Variants in LAIR2 observed in about 807,000 individuals in gnomAD.
LAIR2 encodes leukocyte associated immunoglobulin like receptor 2.
In LAIR2, 14 loss-of-function variants were observed where a neutral mutation model predicts 14.8. That is an observed-to-expected ratio of 0.95 (90% CI 0.62 to 1.48). LAIR2 has a LOEUF of 1.48. LAIR2 is among the 40% of genes most tolerant of loss of function. LAIR2 has a pLI of 0.00. For synonymous variants in LAIR2, 75 were observed against 74.5 expected (o/e 1.01, Z -0.03); for missense variants, 172 against 180.9 (o/e 0.95, Z 0.28).
rs146121461 is a variant in LAIR2, at chr19:54,503,757, T to C, written c.70+22T>C. On this transcript the variant is annotated intron_variant, in intron 2 of 4. Transcript: ENST00000301202. Reference sequence around the variant, plus strand: ...GAGGGTAAGTCATGCCTTCGTCCCGTCTTCCCAGTCCCCTCTGTCACCCCA... The same window carrying C: ...GAGGGTAAGTCATGCCTTCGTCCCGCCTTCCCAGTCCCCTCTGTCACCCCA... The C allele has an allele frequency of 2.2e-3, 3,628 of 1,613,984 alleles. 48 individuals carry two copies. The African/African-American group carries it at 0.043, about 19-fold the overall frequency.
At chr19:54,505,316 A>G (rs546042822) in intron 2 of LAIR2, among the ~76,000 whole-genome samples, 2 of 152,004 alleles carry the variant, frequency 1.3e-5, no homozygotes, top group African/African-American at 4.8e-5. Context: ...GACTCTGAAC[A>G]CTCATCCTCT....
chr19:54,503,412 C>G (rs1031653827), intron 1 of LAIR2, among the ~76,000 whole-genome samples: 1 of 151,680 alleles, frequency 6.6e-6, no homozygotes, highest in Non-Finnish European at 1.5e-5. Flanking sequence ...GAGCTAAGAT[C>G]GCGCCACTGC....
intron 1 of LAIR2, among the ~76,000 whole-genome samples, chr19:54,503,277 G>A (rs1380241528): frequency 9.9e-5 from 15 of 152,094 alleles, no homozygotes; most frequent in South Asian, 6.2e-4. Flanking sequence ...CCTGGCCAAC[G>A]TGGTGAAACT....
intron 2 of LAIR2, among the ~76,000 whole-genome samples, chr19:54,507,474 C>T (rs114501113): frequency 1.7e-4 from 26 of 152,290 alleles, no homozygotes; most frequent in South Asian, 8.3e-4. Flanking sequence ...GGCCCCAGCA[C>T]GAGCCATCTC....
Position 54,503,425 on chromosome 19 carries a change from T to C in LAIR2, c.35-275T>C, listed in dbSNP as rs137974226. On this transcript the variant is annotated intron_variant, in intron 1 of 4. Coordinates refer to ENST00000301202, the MANE Select transcript of LAIR2 (RefSeq NM_002288.6). Reference sequence around the variant, plus strand: ...GTGAGCTAAGATCGCGCCACTGCACTCTAGCGTGGGCGACAAGAACAAAAC... The same window carrying C: ...GTGAGCTAAGATCGCGCCACTGCACCCTAGCGTGGGCGACAAGAACAAAAC... Among the ~76,000 whole-genome samples the C allele has an allele frequency of 3.5e-3, 524 of 150,366 alleles. 3 individuals are homozygous for C. Among genetic ancestry groups the C allele is most frequent in the African/African-American group, 0.012 (501 of 40,790 alleles).
chr19:54,506,595 C>T (rs1402933802), intron 2 of LAIR2, among the ~76,000 whole-genome samples: 1 of 152,198 alleles, frequency 6.6e-6, no homozygotes, highest in African/African-American at 2.4e-5. Context: ...AAACTTATTG[C>T]AGTTCGCAGC....
At position 54,504,869 on chromosome 19, in the gene LAIR2, C is replaced by A. The variant is rs569275073; in HGVS notation, c.70+1134C>A. The stretch of plus-strand genomic sequence containing the variant: ...AGGTGATCCACCCACCTCGGCCACA[C>A]AAAGTGCTGGGATTACAGGTATGAG... On this transcript the variant is annotated intron_variant, in intron 2 of 4. Coordinates refer to ENST00000301202, the MANE Select transcript of LAIR2 (RefSeq NM_002288.6). Among the ~76,000 whole-genome samples, 200 of 152,324 alleles carry A rather than the reference C, an allele frequency of 1.3e-3. 4 individuals are homozygous for A. The South Asian group carries it at 0.039, about 30-fold the overall frequency.
rs34429135 is a variant in LAIR2, at chr19:54,508,164, T to A, written c.344T>A (p.Phe115Tyr). 16,668 of 1,612,590 alleles carry A rather than the reference T, an allele frequency of 0.01. 1,248 individuals carry two copies. In the African/African-American group the frequency reaches 0.18, roughly 17 times the overall value. Residue 115 changes from phenylalanine (F) to tyrosine (Y), a missense_variant, in exon 3 of 5, where the codon TTC becomes TAC. Transcript: ENST00000301202. ...CCTGGATGGTCTGAGCACAGTGACT[T>A]CCTGGAGCTGCTGGTGAAAGGTGAG... ...KPPGWSEHSD[F>Y]LELLVKESSG...
intron 2 of LAIR2, among the ~76,000 whole-genome samples, chr19:54,505,711 C>T (rs1181430262): frequency 2.0e-5 from 3 of 152,188 alleles, no homozygotes; most frequent in Admixed American, 6.5e-5. Context: ...TTCCCAGCCA[C>T]ATCCTGTCCC....
Position 54,505,143 on chromosome 19 carries a change from G to A in LAIR2, c.70+1408G>A, listed in dbSNP as rs193138409. 3.5e-4 allele frequency among the ~76,000 whole-genome samples: 54 copies of A among 152,170 alleles called. No individual in the cohort carries two copies. In the East Asian group the frequency reaches 4.4e-3, roughly 12 times the overall value. Reference sequence around the variant, plus strand: ...CCAGGTCTTGGCAGCTGTGAGTAGCGCTGCGGTCACCCTGGGAGTGCAGGC... The same window carrying A: ...CCAGGTCTTGGCAGCTGTGAGTAGCACTGCGGTCACCCTGGGAGTGCAGGC... On this transcript the variant is annotated intron_variant, in intron 2 of 4. Transcript: ENST00000301202.
At position 54,507,991 on chromosome 19, in the gene LAIR2, A is replaced by G. The variant is rs199777970; in HGVS notation, c.171A>G (p.Thr57=). 3.7e-6 allele frequency: 6 copies of G among 1,614,154 alleles called. No homozygotes were observed. The highest frequency in any genetic ancestry group is 3.3e-5 in the Admixed American group (2 of 60,026). ...FMCRGPVGVQ[T]FRLEREDRAK... The stretch of plus-strand genomic sequence containing the variant: ...GCCGGGGCCCGGTTGGGGTTCAAAC[A>G]TTCCGCCTGGAGAGGGAGGATAGAG... The change falls in exon 3 of 5, where the codon ACA becomes ACG. Residue 57 remains threonine (T), a synonymous_variant. Transcript: ENST00000301202.
At chr19:54,503,903 C>A (rs970272572) in intron 2 of LAIR2, among the ~76,000 whole-genome samples, 168 bp downstream of exon 2, 9 of 152,092 alleles carry the variant, frequency 5.9e-5, no homozygotes, top group Non-Finnish European at 1.0e-4. Context: ...CCTTTCTCTC[C>A]TTCATTCTCC....
At chr19:54,508,241 G>A (rs545687690) in intron 3 of LAIR2, 57 bp downstream of exon 3, 20 of 1,535,922 alleles carry the variant, frequency 1.3e-5, no homozygotes, top group Admixed American at 1.8e-5. Context: ...AGCTTGTCCC[G>A]AGGTCCCTGG....
chr19:54,507,858 G>A, intron 2 of LAIR2, 33 bp from the exon 3 acceptor site: 1 of 1,593,892 alleles, frequency 6.3e-7, no homozygotes. Context: ...TTCCTACAGT[G>A]GACGCTGAGA....
chr19:54,507,862 G>T (rs779667345), intron 2 of LAIR2, 29 bp from the exon 3 acceptor site: 1 of 1,600,104 alleles, frequency 6.2e-7, no homozygotes, highest in Non-Finnish European at 8.5e-7. Flanking sequence ...TACAGTGGAC[G>T]CTGAGATCCT....
Position 54,507,903 on chromosome 19 carries a change from G to A in LAIR2, c.83G>A (p.Arg28Lys). 1 of 1,613,956 alleles carries A rather than the reference G, an allele frequency of 6.2e-7. No individual in the cohort carries two copies. The highest frequency in any genetic ancestry group is 8.5e-7 in the Non-Finnish European group (1 of 1,179,888). Reference sequence around the variant, plus strand: ...GCTTCCCTCTTAGGGGCCCTTCCCAGACCCTCCATCTCGGCTGAGCCAGGC... The same window carrying A: ...GCTTCCCTCTTAGGGGCCCTTCCCAAACCCTCCATCTCGGCTGAGCCAGGC... ...TIHTQEGALP[R>K]PSISAEPGTV... Residue 28 changes from arginine (R) to lysine (K), a missense_variant, in exon 3 of 5, where the codon AGA becomes AAA. Transcript: ENST00000301202.
At chr19:54,505,376 C>A (rs1290035943) in intron 2 of LAIR2, among the ~76,000 whole-genome samples, 6 of 152,012 alleles carry the variant, frequency 3.9e-5, no homozygotes, top group Non-Finnish European at 8.8e-5. Flanking sequence ...TGATTTCACT[C>A]TAAATTTTTC....
intron 4 of LAIR2, among the ~76,000 whole-genome samples, 189 bp from the exon 5 acceptor site, chr19:54,510,337 G>A (rs1196799901): frequency 2.0e-5 from 3 of 151,390 alleles, no homozygotes; most frequent in Admixed American, 6.6e-5. Context: ...ATGCCTGACG[G>A]TGACTCACCC....
At chr19:54,507,264 A>T (rs2085381124) in intron 2 of LAIR2, among the ~76,000 whole-genome samples, 1 of 109,286 alleles carries the variant, frequency 9.2e-6, no homozygotes, top group South Asian at 3.2e-4. Flanking sequence ...CTGAGAAGAA[A>T]GTAGAAACTA....
Sources: allele counts gnomAD v4.1 joint callset (sites outside exome capture counted in the v4.1 genomes callset), GRCh38; gene constraint gnomAD v4.1.1; transcripts MANE v1.5; gene names NCBI Gene and HGNC (gene_info 2026-07-23, HGNC 2026-07-21).